MYO18B: variants seen among roughly 807,000 people sequenced by gnomAD.
MYO18B encodes unconventional myosin-XVIIIb.
In MYO18B, 204 loss-of-function variants were observed where a neutral mutation model predicts 273.0. That is an observed-to-expected ratio of 0.75 (90% CI 0.67 to 0.84). The LOEUF is 0.84. Ranked by LOEUF, MYO18B falls within the 40% of genes least tolerant of loss-of-function variation. MYO18B has a pLI of 0.00. For synonymous variants in MYO18B, 1,330 were observed against 1,305.7 expected, an observed-to-expected ratio of 1.02 and a Z score of -0.40; for missense variants, 3,212 against 3,287.6, an observed-to-expected ratio of 0.98 and a Z score of 0.56.
chr22:26,014,852 T>C (rs1318079172), intron 42 of MYO18B, among the ~76,000 whole-genome samples: 1 of 152,206 alleles, frequency 6.6e-6, no homozygotes, highest in Non-Finnish European at 1.5e-5. Context: ...GTCACATGTA[T>C]GCCTTCTTTT....
intron 39 of MYO18B, among the ~76,000 whole-genome samples, chr22:25,972,276 G>A (rs1235416111): frequency 6.6e-6 from 1 of 152,010 alleles, no homozygotes; most frequent in Non-Finnish European, 1.5e-5. Context: ...GTGGTTAGTT[G>A]CTTGCTTGGT....
At chr22:26,006,983 C>A (rs192122496) in intron 42 of MYO18B, among the ~76,000 whole-genome samples, 8 of 152,280 alleles carry the variant, frequency 5.3e-5, no homozygotes, top group African/African-American at 1.9e-4. Flanking sequence ...CTGCAGTGGC[C>A]CCTCAGGCAA....
chr22:25,861,476 C>T (rs1382809667), intron 21 of MYO18B, among the ~76,000 whole-genome samples: 2 of 152,182 alleles, frequency 1.3e-5, no homozygotes, highest in Non-Finnish European at 2.9e-5. Context: ...GCCACTCCAG[C>T]TATCTTATGT....
intron 12 of MYO18B, among the ~76,000 whole-genome samples, chr22:25,817,764 C>T (rs2089100273): frequency 6.6e-6 from 1 of 152,208 alleles, no homozygotes; most frequent in Non-Finnish European, 1.5e-5. Flanking sequence ...CTGAGAAGTC[C>T]TGCAGTTAAG....
intron 2 of MYO18B, among the ~76,000 whole-genome samples, chr22:25,761,524 A>T (rs1426225021): frequency 6.6e-6 from 1 of 152,150 alleles, no homozygotes; most frequent in Non-Finnish European, 1.5e-5. Flanking sequence ...TTTATGCCAC[A>T]GGGGTGGGTT....
chr22:25,996,673 G>A (rs1933286859), intron 40 of MYO18B, among the ~76,000 whole-genome samples: 1 of 152,148 alleles, frequency 6.6e-6, no homozygotes, highest in Non-Finnish European at 1.5e-5. Context: ...GTGCTATGAT[G>A]AAGAGCAGGG....
intron 38 of MYO18B, among the ~76,000 whole-genome samples, chr22:25,954,872 CG>C (rs2092830916): frequency 6.6e-6 from 1 of 152,052 alleles, no homozygotes; most frequent in Admixed American, 6.6e-5. Context: ...CCACCACGCC[CG>C]GCTAATTTTT....
chr22:25,856,813 T>G (rs912959184), intron 21 of MYO18B, among the ~76,000 whole-genome samples: 5 of 151,924 alleles, frequency 3.3e-5, no homozygotes, highest in African/African-American at 1.2e-4. Context: ...AGTTAGAGAG[T>G]CTGGGCTTTA....
downstream of MYO18B, among the ~76,000 whole-genome samples, chr22:26,032,095 C>A (rs1045701495): frequency 2.6e-5 from 4 of 152,232 alleles, no homozygotes; most frequent in African/African-American, 9.6e-5. Context: ...TGAAATCCAT[C>A]AAGTCATGGA....
chr22:25,955,092 G>A (rs2092833455), intron 38 of MYO18B, 87 bp from the exon 39 acceptor site: 7 of 1,351,304 alleles, frequency 5.2e-6, no homozygotes, highest in Admixed American at 2.9e-5. Context: ...CAGGAAACTC[G>A]GCAAAGGATT....
intron 16 of MYO18B, among the ~76,000 whole-genome samples, chr22:25,834,906 C>T (rs768832478): frequency 3.3e-5 from 5 of 152,176 alleles, no homozygotes; most frequent in Non-Finnish European, 7.3e-5. Flanking sequence ...CTCGTTTGTG[C>T]ACAAATAGAC....
chr22:25,913,395 G>A (rs1028360569), intron 33 of MYO18B, among the ~76,000 whole-genome samples: 5 of 151,992 alleles, frequency 3.3e-5, no homozygotes, highest in African/African-American at 1.2e-4. Flanking sequence ...ACGGAGTCTC[G>A]CTCTGCCTCC....
chr22:25,921,277 T>C lies in MYO18B; in HGVS notation c.5385T>C (p.Asp1795=). The change falls in exon 34 of 44, where the codon GAT becomes GAC. Residue 1795 remains aspartate (D), a synonymous_variant. Transcript: ENST00000335473. ...TTCAGATTGGCCATCGGGACTTTGA[T>C]GTGGAGAAGCGACTTCGGAGAGACC... ...LCDQIGHRDF[D]VEKRLRRDLR... is the part of the protein sequence containing the mutation. 2 of 1,552,648 alleles carry C rather than the reference T, an allele frequency of 1.3e-6. No individual in the cohort carries two copies. The highest frequency in any genetic ancestry group is 2.4e-5 in the East Asian group (1 of 40,962).
intron 41 of MYO18B, among the ~76,000 whole-genome samples, chr22:26,004,228 T>C (rs112009997): frequency 0.022 from 3,367 of 151,524 alleles, 137 homozygotes; most frequent in African/African-American, 0.078. Context: ...CCCCCTCTCT[T>C]TCTGTGCCGC....
the MYO18B span, among the ~76,000 whole-genome samples, chr22:26,045,412 T>C: frequency 6.6e-6 from 1 of 152,164 alleles, no homozygotes; most frequent in Non-Finnish European, 1.5e-5. Flanking sequence ...AGGGAAAGGC[T>C]TTAGACCTCA....
intron 24 of MYO18B, chr22:25,876,930 T>C (rs1475319190): frequency 6.6e-6 from 1 of 152,238 alleles, no homozygotes. Context: ...TCTGTCTTTA[T>C]GGCTGCATAG....
intron 21 of MYO18B, among the ~76,000 whole-genome samples, chr22:25,855,636 T>C (rs2090549515): frequency 1.3e-5 from 2 of 152,212 alleles, no homozygotes; most frequent in African/African-American, 4.8e-5. Flanking sequence ...CCACATTTTC[T>C]TTATCCAGTC....
chr22:25,836,917 G>A (rs984797311), intron 17 of MYO18B, among the ~76,000 whole-genome samples: 5 of 151,544 alleles, frequency 3.3e-5, no homozygotes, highest in African/African-American at 4.8e-5. Flanking sequence ...AGCCAAGATC[G>A]CACCAGGGCA....
intron 36 of MYO18B, among the ~76,000 whole-genome samples, chr22:25,948,923 T>C (rs2092760096): frequency 6.6e-6 from 1 of 151,260 alleles, no homozygotes; most frequent in Admixed American, 6.6e-5. Context: ...TAGATTGGAG[T>C]GGGACATTGG....
Sources: allele counts gnomAD v4.1 joint callset (sites outside exome capture counted in the v4.1 genomes callset), GRCh38; gene constraint gnomAD v4.1.1; transcripts MANE v1.5; gene names NCBI Gene and HGNC (gene_info 2026-07-23, HGNC 2026-07-21).